SPECC1: variants seen among roughly 807,000 people sequenced by gnomAD.
SPECC1 encodes sperm antigen with calponin homology and coiled-coil domains 1, also known as cytospin-B.
Under a neutral mutation model 104.1 loss-of-function variants are expected in SPECC1, and 62 were observed. The observed-to-expected ratio is 0.60, with a 90% CI of 0.49 to 0.74. The LOEUF (loss-of-function observed/expected upper bound fraction) is 0.74, where lower values mean the gene tolerates loss of function less well. Among genes scored for constraint, SPECC1 ranks in the 30% least tolerant of loss-of-function variants. The pLI is 0.00. For synonymous variants in SPECC1, 513 were observed against 501.6 expected (o/e 1.02, Z -0.30); for missense variants, 1,306 against 1,310.5 (o/e 1.00, Z 0.05).
intron 7 of SPECC1, chr17:20,237,709 T>C (rs1214325206): frequency 5.1e-6 from 1 of 195,502 alleles, no homozygotes; most frequent in Admixed American, 6.1e-5. Context: ...CAAGGCAAAA[T>C]AGGAAGCCAT....
chr17:20,070,689 G>C (rs12947713), intron 1 of SPECC1, among the ~76,000 whole-genome samples: 43,918 of 151,896 alleles, frequency 0.29, 6,856 homozygotes, highest in Middle Eastern at 0.43. Flanking sequence ...GCTCATCACT[G>C]TTGCTCAGAT....
At chr17:20,225,302 C>G (rs1012116839) in intron 4 of SPECC1, among the ~76,000 whole-genome samples, 1 of 152,150 alleles carries the variant, frequency 6.6e-6, no homozygotes, top group Non-Finnish European at 1.5e-5. Flanking sequence ...CACTCCAAGT[C>G]CACTGTCTGA....
At chr17:20,161,358 C>T (rs930898758) in intron 3 of SPECC1, among the ~76,000 whole-genome samples, 2 of 152,178 alleles carry the variant, frequency 1.3e-5, no homozygotes, top group Non-Finnish European at 2.9e-5. Flanking sequence ...TCTCAAGAGT[C>T]CCCCTCCTGC....
intron 9 of SPECC1, among the ~76,000 whole-genome samples, chr17:20,247,664 AG>A (rs1245955380): frequency 2.0e-5 from 3 of 152,222 alleles, no homozygotes; most frequent in African/African-American, 7.2e-5. Context: ...TTTTTATAAA[AG>A]ATTACATAAT....
At chr17:20,059,247 A>G (rs1372689197) in intron 1 of SPECC1, among the ~76,000 whole-genome samples, 1 of 152,096 alleles carries the variant, frequency 6.6e-6, no homozygotes, top group East Asian at 1.9e-4. Context: ...TTTTCCTGCA[A>G]CTAGATGTTC....
chr17:20,034,605 CTTTT>C (rs375147469), intron 1 of SPECC1, among the ~76,000 whole-genome samples: 127 of 132,382 alleles, frequency 9.6e-4, no homozygotes, highest in Middle Eastern at 4.0e-3. Flanking sequence ...TCTATTTTTC[CTTTT>C]TTTTTTTTTT....
chr17:20,264,376 T>TTA (rs2040139604), intron 12 of SPECC1, among the ~76,000 whole-genome samples: 1 of 151,580 alleles, frequency 6.6e-6, no homozygotes, highest in Non-Finnish European at 1.5e-5. Context: ...GGTTTTCAAC[T>TTA]CAGGCCTTCT....
Position 20,261,427 on chromosome 17 carries a change from G to A in SPECC1, c.2940+1133G>A, listed in dbSNP as rs948158747. On this transcript the variant is annotated intron_variant, in intron 12 of 14. Transcript: ENST00000395527. ...TGAGGCAGGAGAATGGTGTGAACCC[G>A]GGAGGCGAAGCTTGCAGTGAGCCAA... 1.5e-4 allele frequency among the ~76,000 whole-genome samples: 22 copies of A among 151,244 alleles called. 1 individual carries two copies. Among genetic ancestry groups the A allele is most frequent in the Non-Finnish European group, 2.5e-4 (17 of 67,728 alleles).
In SPECC1 at chr17:20,205,231, T is replaced by G. The variant is rs1207994182; in HGVS notation, c.1182T>G (p.Thr394=). 6.2e-7 allele frequency: 1 copy of G among 1,614,114 alleles called. No homozygotes were observed. The highest frequency in any genetic ancestry group is 8.5e-7 in the Non-Finnish European group (1 of 1,180,026). The change falls in exon 4 of 15, where the codon ACT becomes ACG. Residue 394 remains threonine, a synonymous_variant. Coordinates refer to ENST00000395527, the MANE Select transcript of SPECC1 (RefSeq NM_001243439.2). ...GCACTGCAGAAGAACTACAGGCTAC[T>G]CTACAAGAATTATCAGACCAGCAAC... ...HHSTAEELQA[T]LQELSDQQQM...
intron 4 of SPECC1, among the ~76,000 whole-genome samples, chr17:20,208,966 A>G (rs2036961220): frequency 6.6e-6 from 1 of 152,106 alleles, no homozygotes; most frequent in African/African-American, 2.4e-5. Flanking sequence ...ATGCCTGACT[A>G]CTTGGCTTGT....
intron 1 of SPECC1, among the ~76,000 whole-genome samples, chr17:20,043,881 A>C (rs2045430364): frequency 1.3e-5 from 2 of 152,090 alleles, no homozygotes; most frequent in Non-Finnish European, 2.9e-5. Flanking sequence ...CCCTCGTTTG[A>C]AGTTAGGGAG....
chr17:20,034,769 C>G (rs536358303), intron 1 of SPECC1, among the ~76,000 whole-genome samples: 11 of 152,092 alleles, frequency 7.2e-5, no homozygotes, highest in African/African-American at 2.7e-4. Context: ...CCACGTCCAG[C>G]TAATTTTGTA....
intron 3 of SPECC1, among the ~76,000 whole-genome samples, chr17:20,147,007 C>G (rs1597814492): frequency 6.6e-6 from 1 of 152,064 alleles, no homozygotes; most frequent in African/African-American, 2.4e-5. Flanking sequence ...TGTTCTACAT[C>G]CTTGCCAGCA....
Position 20,231,798 on chromosome 17 carries a change from G to A in SPECC1, c.2112G>A (p.Glu704=). 1 of 1,614,100 alleles carries A rather than the reference G, an allele frequency of 6.2e-7. No individual in the cohort carries two copies. Among genetic ancestry groups the A allele is most frequent in the East Asian group, 2.2e-5 (1 of 44,860 alleles). ...TGGAGGAACAGAAGTCAGACCTGGA[G>A]AGGCAGCTGAAGACTCTGACCAAGC... The part of the protein sequence containing the change: ...IKLEEQKSDL[E]RQLKTLTKQM... The change falls in exon 6 of 15, where the codon GAG becomes GAA. Residue 704 remains glutamate, a synonymous_variant. Coordinates refer to ENST00000395527, the MANE Select transcript of SPECC1 (RefSeq NM_001243439.2).
intron 4 of SPECC1, among the ~76,000 whole-genome samples, chr17:20,225,971 T>C (rs919869621): frequency 6.6e-6 from 1 of 152,154 alleles, no homozygotes. Flanking sequence ...CTGTGTGTGA[T>C]GCTGTGTAGA....
In SPECC1 at chr17:20,318,637, C is replaced by G. The variant is rs1038628545; in HGVS notation, c.*4572C>G. The G allele has an allele frequency of 1.3e-5, 3 of 227,490 alleles. No individual in the cohort carries two copies. The highest frequency in any genetic ancestry group is 6.7e-5 in the African/African-American group (3 of 44,972). The allele number at this position is 227,490 out of a possible 1,614,324, so 14.1% of individuals were successfully genotyped here. A position where few individuals can be genotyped will look rare whatever the true frequency, so the allele number is the denominator to read the frequency against. On this transcript the variant is annotated 3_prime_UTR_variant, in exon 15 of 15. Transcript: ENST00000395527. ...CCCCCTACCAAATCTAGCAATAGTT[C>G]TCACCCTTCCAAAGCTCGAGTGCCA... is the stretch of plus-strand genomic sequence containing the variant.
At chr17:20,243,684 G>C (rs2039300392) in intron 7 of SPECC1, among the ~76,000 whole-genome samples, 1 of 152,132 alleles carries the variant, frequency 6.6e-6, no homozygotes, top group South Asian at 2.1e-4. Flanking sequence ...CTTAGTGTTT[G>C]AAATACCATC....
chr17:20,230,332 G>A (rs1224063736), intron 5 of SPECC1, among the ~76,000 whole-genome samples: 1 of 152,194 alleles, frequency 6.6e-6, no homozygotes, highest in Non-Finnish European at 1.5e-5. Flanking sequence ...ACAGTTGACA[G>A]CACCTGCCCC....
intron 12 of SPECC1, among the ~76,000 whole-genome samples, chr17:20,271,939 A>G (rs1311471927): frequency 6.6e-6 from 1 of 151,948 alleles, no homozygotes; most frequent in Non-Finnish European, 1.5e-5. Flanking sequence ...GCATCGCTCC[A>G]TTGTCTTCTA....
Sources: gnomAD v4.1 joint callset for allele counts (sites outside exome capture counted in the v4.1 genomes callset) on GRCh38, gnomAD v4.1.1 for gene constraint, MANE v1.5 for transcripts, NCBI Gene and HGNC (gene_info 2026-07-23, HGNC 2026-07-21) for gene names.